SKAP1: variants seen among roughly 807,000 people sequenced by gnomAD.
SKAP1 encodes src kinase-associated phosphoprotein 1.
Under a neutral mutation model 58.5 loss-of-function variants are expected in SKAP1, and 44 were observed. That is an observed-to-expected ratio of 0.75 (90% CI 0.59 to 0.97). SKAP1 has a LOEUF of 0.97. Ranked by LOEUF, SKAP1 falls within the 50% of genes least tolerant of loss-of-function variation. SKAP1 has a pLI of 0.00. For missense variants in SKAP1, 390 were observed against 435.2 expected, an observed-to-expected ratio of 0.90 and a Z score of 0.92; for synonymous variants, 127 against 149.7, an observed-to-expected ratio of 0.85 and a Z score of 1.11.
intron 10 of SKAP1, among the ~76,000 whole-genome samples, chr17:48,168,259 G>C (rs923498375): frequency 6.6e-6 from 1 of 152,108 alleles, no homozygotes; most frequent in African/African-American, 2.4e-5. Flanking sequence ...AAAAGTACTT[G>C]GATTTTAAAA....
At chr17:48,336,146 A>G (rs1809269428) in intron 4 of SKAP1, among the ~76,000 whole-genome samples, 1 of 152,134 alleles carries the variant, frequency 6.6e-6, no homozygotes, top group Admixed American at 6.5e-5. Context: ...TACTTTATAG[A>G]CATTCAATTA....
At chr17:48,433,765 C>A (rs976025407), upstream of SKAP1, among the ~76,000 whole-genome samples, 1 of 152,200 alleles carries the variant, frequency 6.6e-6, no homozygotes, top group African/African-American at 2.4e-5. Context: ...CCACCGGGAC[C>A]CTTCACGCAC....
At chr17:48,393,338 T>C (rs2067374287) in intron 2 of SKAP1, among the ~76,000 whole-genome samples, 1 of 152,158 alleles carries the variant, frequency 6.6e-6, no homozygotes, top group African/African-American at 2.4e-5. Context: ...TAAATATAGA[T>C]AGGATTTTAT....
intron 1 of SKAP1, among the ~76,000 whole-genome samples, chr17:48,405,159 G>C (rs1391435783): frequency 6.6e-6 from 1 of 152,106 alleles, no homozygotes; most frequent in Non-Finnish European, 1.5e-5. Context: ...TAATGGTTTG[G>C]AGTGTGTCCA....
intron 4 of SKAP1, among the ~76,000 whole-genome samples, chr17:48,322,349 A>G (rs1263350665): frequency 6.6e-6 from 1 of 152,224 alleles, no homozygotes; most frequent in South Asian, 2.1e-4. Context: ...ATATTTGTGT[A>G]TGCATATATA....
At chr17:48,384,826 G>C (rs959053327) in intron 2 of SKAP1, among the ~76,000 whole-genome samples, 2 of 152,318 alleles carry the variant, frequency 1.3e-5, no homozygotes, top group Middle Eastern at 3.4e-3. Flanking sequence ...GCAATATGCT[G>C]TCTGGTGCCT....
chr17:48,427,381 A>G (rs1468805948), intron 1 of SKAP1, among the ~76,000 whole-genome samples: 1 of 152,194 alleles, frequency 6.6e-6, no homozygotes, highest in Non-Finnish European at 1.5e-5. Context: ...TAATTCATTC[A>G]ACCATCACCC....
intron 4 of SKAP1, among the ~76,000 whole-genome samples, chr17:48,226,183 A>C (rs2065066602): frequency 6.6e-6 from 1 of 152,172 alleles, no homozygotes; most frequent in Non-Finnish European, 1.5e-5. Context: ...CACCTGACAG[A>C]TGTGTGAAAT....
At chr17:48,410,445 C>T (rs1255150431) in intron 1 of SKAP1, among the ~76,000 whole-genome samples, 2 of 152,094 alleles carry the variant, frequency 1.3e-5, no homozygotes, top group Non-Finnish European at 1.5e-5. Flanking sequence ...ATACCTAGCA[C>T]AAACATCTTG....
At chr17:48,250,253 T>C (rs1429707593) in intron 4 of SKAP1, among the ~76,000 whole-genome samples, 1 of 148,354 alleles carries the variant, frequency 6.7e-6, no homozygotes, top group Non-Finnish European at 1.5e-5. Context: ...AAAATACATA[T>C]ATTTTGCTGC....
intron 4 of SKAP1, among the ~76,000 whole-genome samples, chr17:48,251,806 C>T (rs1176710969): frequency 2.0e-5 from 3 of 152,138 alleles, no homozygotes; most frequent in African/African-American, 4.8e-5. Flanking sequence ...AAATAATTAC[C>T]TTTTCTTACA....
chr17:48,207,777 G>A (rs2064827655), intron 4 of SKAP1, among the ~76,000 whole-genome samples: 1 of 152,156 alleles, frequency 6.6e-6, no homozygotes, highest in African/African-American at 2.4e-5. Flanking sequence ...GTATAAACTT[G>A]GGTTGCAATT....
At chr17:48,148,072 G>C (rs1288881912) in intron 11 of SKAP1, among the ~76,000 whole-genome samples, 1 of 152,162 alleles carries the variant, frequency 6.6e-6, no homozygotes, top group African/African-American at 2.4e-5. Context: ...CAGAGCACTT[G>C]AGTGCGAGAG....
intron 4 of SKAP1, among the ~76,000 whole-genome samples, chr17:48,299,861 T>G (rs1160016022): frequency 2.0e-5 from 3 of 151,698 alleles, no homozygotes. Flanking sequence ...GATGGGAGGA[T>G]GGGAAAGGCA....
At chr17:48,141,064 G>A (rs545019405) in intron 11 of SKAP1, among the ~76,000 whole-genome samples, 36 of 152,144 alleles carry the variant, frequency 2.4e-4, no homozygotes, top group African/African-American at 8.2e-4. Flanking sequence ...TGGGATTACA[G>A]GTGTGAGCCA....
chr17:48,134,079 C>T (rs1385675898), intron 12 of SKAP1, among the ~76,000 whole-genome samples: 1 of 152,084 alleles, frequency 6.6e-6, no homozygotes, highest in African/African-American at 2.4e-5. Context: ...TTTAAACTTA[C>T]CAACATATTT....
At chr17:48,367,528 ATGTGTGTG>A in intron 2 of SKAP1, among the ~76,000 whole-genome samples, 1 of 127,786 alleles carries the variant, frequency 7.8e-6, no homozygotes, top group Non-Finnish European at 1.7e-5. Context: ...GTGTATATGT[ATGTGTGTG>A]TATATATATA....
At chr17:48,395,764 T>C (rs1372861721) in intron 2 of SKAP1, among the ~76,000 whole-genome samples, 1 of 152,208 alleles carries the variant, frequency 6.6e-6, no homozygotes, top group Non-Finnish European at 1.5e-5. Context: ...GAAAGATCGA[T>C]TAAGATCCAG....
intron 1 of SKAP1, among the ~76,000 whole-genome samples, chr17:48,415,790 G>T (rs2067725563): frequency 6.6e-6 from 1 of 151,928 alleles, no homozygotes; most frequent in Non-Finnish European, 1.5e-5. Flanking sequence ...CCTCACTCCT[G>T]CCCAGCCCTG....
Sources: allele counts gnomAD v4.1 joint callset (sites outside exome capture counted in the v4.1 genomes callset), GRCh38; gene constraint gnomAD v4.1.1; transcripts MANE v1.5; gene names NCBI Gene and HGNC (gene_info 2026-07-23, HGNC 2026-07-21).